Variants in GRIN2A observed in about 807,000 individuals in gnomAD.
GRIN2A encodes the protein glutamate receptor ionotropic, NMDA 2A.
Under a neutral mutation model 113.4 loss-of-function variants are expected in GRIN2A, and 22 were observed. That is an observed-to-expected ratio of 0.19 (90% CI 0.14 to 0.28). GRIN2A has a LOEUF of 0.28. Among genes scored for constraint, GRIN2A ranks in the 10% least tolerant of loss-of-function variants. The pLI is 1.00. For missense variants in GRIN2A, 1,502 were observed against 1,887.0 expected (o/e 0.80, Z 3.78); for synonymous variants, 827 against 738.4 (o/e 1.12, Z -1.94).
At chr16:9,919,354 G>A (rs1473869322) in intron 3 of GRIN2A, among the ~76,000 whole-genome samples, 1 of 152,050 alleles carries the variant, frequency 6.6e-6, no homozygotes, top group East Asian at 1.9e-4. Context: ...GAAATTCCAA[G>A]TCTCACATTT....
intron 2 of GRIN2A, among the ~76,000 whole-genome samples, chr16:9,948,558 C>T (rs1264851715): frequency 2.0e-5 from 3 of 152,220 alleles, no homozygotes; most frequent in Non-Finnish European, 4.4e-5. Flanking sequence ...TAGGCAATGA[C>T]ATAAGACAGT....
chr16:9,852,841 A>C (rs2042908815), intron 4 of GRIN2A, among the ~76,000 whole-genome samples: 1 of 152,222 alleles, frequency 6.6e-6, no homozygotes. Context: ...CAGGTTTAGC[A>C]GAGTCATTCA....
Position 10,050,735 on chromosome 16 carries a change from C to T in GRIN2A, c.415-112184G>A, listed in dbSNP as rs186936072. Among the ~76,000 whole-genome samples, 771 of 152,158 alleles carry T rather than the reference C, an allele frequency of 5.1e-3. 11 individuals carry two copies. The highest frequency in any genetic ancestry group is 0.018 in the African/African-American group (737 of 41,516). ...CATTCCAAAACCATCAGCCCAACCCCGGTCTGTGGAAAAACTGTCTTCCAC... is the reference window on the plus strand; with the variant it reads ...CATTCCAAAACCATCAGCCCAACCCTGGTCTGTGGAAAAACTGTCTTCCAC... On this transcript the variant is annotated intron_variant, in intron 2 of 12. Coordinates refer to ENST00000330684, the MANE Select transcript of GRIN2A (RefSeq NM_001134407.3).
chr16:9,871,502 G>C lies in GRIN2A; in HGVS notation c.1122+19484C>G, dbSNP rs555060878. ...AGTCTAGAAGTCTAGAGTCTAGATT[G>C]CACTTTGTATATGCATAATAGTTCC... On this transcript the variant is annotated intron_variant, in intron 4 of 12. Coordinates refer to ENST00000330684, the MANE Select transcript of GRIN2A (RefSeq NM_001134407.3). Among the ~76,000 whole-genome samples the C allele has an allele frequency of 2.0e-4, 31 of 151,248 alleles. No homozygotes were observed. The South Asian group carries it at 2.7e-3, about 13-fold the overall frequency.
intron 2 of GRIN2A, among the ~76,000 whole-genome samples, chr16:10,092,432 G>C (rs2142085016): frequency 6.6e-6 from 1 of 152,282 alleles, no homozygotes; most frequent in Middle Eastern, 3.4e-3. Flanking sequence ...GCCTCCAGAG[G>C]TCTGAGGGTG....
At chr16:9,989,606 T>TAC (rs2046060724) in intron 2 of GRIN2A, among the ~76,000 whole-genome samples, 1 of 151,834 alleles carries the variant, frequency 6.6e-6, no homozygotes, top group African/African-American at 2.4e-5. Context: ...ATAGACAACC[T>TAC]ACAGAATGGG....
intron 2 of GRIN2A, among the ~76,000 whole-genome samples, chr16:9,941,520 CCT>C (rs1057205259): frequency 3.9e-5 from 6 of 152,326 alleles, no homozygotes; most frequent in East Asian, 1.9e-4. Flanking sequence ...GTCTCCACCC[CCT>C]GTCATGCCAA....
intron 3 of GRIN2A, among the ~76,000 whole-genome samples, chr16:9,925,242 C>T (rs573040326): frequency 6.6e-6 from 1 of 152,274 alleles, no homozygotes; most frequent in South Asian, 2.1e-4. Flanking sequence ...CTAATTATTT[C>T]TCCATTATTG....
At chr16:9,991,252 C>T (rs2141817655) in intron 2 of GRIN2A, among the ~76,000 whole-genome samples, 1 of 152,176 alleles carries the variant, frequency 6.6e-6, no homozygotes, top group East Asian at 1.9e-4. Context: ...ACTCCATTTG[C>T]AAAGAAGGGA....
In GRIN2A at chr16:9,761,868, G is replaced by C. The variant is rs539079400; in HGVS notation, c.*1281C>G. 2 of 205,646 alleles carry C rather than the reference G, an allele frequency of 9.7e-6. No homozygotes were observed. The highest frequency in any genetic ancestry group is 1.5e-4 in the East Asian group (2 of 13,316). The allele number at this position is 205,646 out of a possible 1,614,324, so 12.7% of individuals were successfully genotyped here. On this transcript the variant is annotated 3_prime_UTR_variant, in exon 13 of 13. Transcript: ENST00000330684. ...TATGAAGTGGTTTGCCACCAACAGAGAGAATAACTCAGAAGGGAGAAATTG... is the reference window on the plus strand; with the variant it reads ...TATGAAGTGGTTTGCCACCAACAGACAGAATAACTCAGAAGGGAGAAATTG...
In GRIN2A at chr16:10,093,085, C is replaced by T. The variant is rs563028049; in HGVS notation, c.414+86913G>A. 5.9e-5 allele frequency among the ~76,000 whole-genome samples: 9 copies of T among 152,152 alleles called. No homozygotes were observed. In the East Asian group the frequency reaches 9.7e-4, roughly 16 times the overall value. On this transcript the variant is annotated intron_variant, in intron 2 of 12. Coordinates refer to ENST00000330684, the MANE Select transcript of GRIN2A (RefSeq NM_001134407.3). ...AAACTCCTGGCTCAAGTGATCCACCCGCCTCAGCCTCCCAAAGTGCTCTGA... is the reference window on the plus strand; with the variant it reads ...AAACTCCTGGCTCAAGTGATCCACCTGCCTCAGCCTCCCAAAGTGCTCTGA...
At chr16:9,815,443 A>G (rs914707520) in intron 10 of GRIN2A, among the ~76,000 whole-genome samples, 9 of 151,910 alleles carry the variant, frequency 5.9e-5, no homozygotes, top group African/African-American at 2.2e-4. Flanking sequence ...AAACCCAAAC[A>G]ACCCAAATGT....
intron 2 of GRIN2A, among the ~76,000 whole-genome samples, chr16:9,981,698 A>C (rs964600061): frequency 6.6e-6 from 1 of 152,186 alleles, no homozygotes; most frequent in Admixed American, 6.5e-5. Flanking sequence ...GTCTGTGTTC[A>C]TATTTCGCTG....
Position 9,771,080 on chromosome 16 carries a change from C to A in GRIN2A, c.2357-1991G>T, listed in dbSNP as rs1596385265. ...GAGCTCCTGTTGCTCCAAGTCCTCA[C>A]CACCCTTTTCATTGTCAGTGTTAGT... is the stretch of plus-strand genomic sequence containing the variant. On this transcript the variant is annotated intron_variant, in intron 11 of 12. Transcript: ENST00000330684. Among the ~76,000 whole-genome samples the A allele has an allele frequency of 5.3e-5, 8 of 152,308 alleles. 1 individual carries two copies. The highest frequency in any genetic ancestry group is 5.2e-4 in the Admixed American group (8 of 15,300).
intron 2 of GRIN2A, among the ~76,000 whole-genome samples, chr16:10,168,843 TA>T (rs2049977997): frequency 6.6e-6 from 1 of 151,994 alleles, no homozygotes; most frequent in South Asian, 2.1e-4. Context: ...CAGGTGCCTG[TA>T]ATCCCAGCTA....
chr16:9,885,723 TG>T (rs35406730), intron 4 of GRIN2A, among the ~76,000 whole-genome samples: 34,416 of 152,042 alleles, frequency 0.23, 4,076 homozygotes, highest in African/African-American at 0.25. Flanking sequence ...CGTGTAGTGC[TG>T]GGGGGGCAGC....
chr16:9,765,571 G>A (rs1472756733), intron 12 of GRIN2A, among the ~76,000 whole-genome samples: 1 of 152,206 alleles, frequency 6.6e-6, no homozygotes, highest in Non-Finnish European at 1.5e-5. Context: ...GGGGATAGAT[G>A]TGGATGCTTG....
intron 11 of GRIN2A, among the ~76,000 whole-genome samples, chr16:9,771,063 G>T (rs1901242262): frequency 6.6e-6 from 1 of 152,170 alleles, no homozygotes; most frequent in Non-Finnish European, 1.5e-5. Flanking sequence ...GAGAGCTCCT[G>T]TTGCTCCAAG....
chr16:10,123,602 G>A (rs2048873085), intron 2 of GRIN2A, among the ~76,000 whole-genome samples: 1 of 151,794 alleles, frequency 6.6e-6, no homozygotes, highest in South Asian at 2.1e-4. Context: ...ACATGCACGT[G>A]AATCGCCGAG....
Sources: allele counts gnomAD v4.1 joint callset (sites outside exome capture counted in the v4.1 genomes callset), GRCh38; gene constraint gnomAD v4.1.1; transcripts MANE v1.5; gene names NCBI Gene and HGNC (gene_info 2026-07-23, HGNC 2026-07-21).